PLEKHH1: variants seen among roughly 807,000 people sequenced by gnomAD.
PLEKHH1 encodes the protein pleckstrin homology domain-containing family H member 1.
PLEKHH1 carries 104 observed loss-of-function variants against 160.0 expected under a neutral mutation model. That is an observed-to-expected ratio of 0.65 (90% CI 0.55 to 0.76). The LOEUF is 0.76. Among genes scored for constraint, PLEKHH1 ranks in the 30% least tolerant of loss-of-function variants. PLEKHH1 has a pLI of 0.00. For synonymous variants in PLEKHH1, 619 were observed against 678.4 expected (o/e 0.91, Z 1.36); for missense variants, 1,427 against 1,724.1 (o/e 0.83, Z 3.05).
intron 2 of PLEKHH1, among the ~76,000 whole-genome samples, chr14:67,548,784 C>A (rs1257988108): frequency 6.6e-6 from 1 of 152,234 alleles, no homozygotes; most frequent in Admixed American, 6.5e-5. Flanking sequence ...TTTACCAAGT[C>A]CAGTTCCAGT....
chr14:67,561,884 AAAG>A (rs2034851194), intron 5 of PLEKHH1, 67 bp from the exon 6 acceptor site: 6 of 1,205,190 alleles, frequency 5.0e-6, no homozygotes, highest in East Asian at 2.4e-5. Flanking sequence ...AAAAAAAAAA[AAAG>A]AATTGAAAAA....
intron 8 of PLEKHH1, among the ~76,000 whole-genome samples, chr14:67,569,552 T>G (rs979985622): frequency 6.7e-6 from 1 of 148,472 alleles, no homozygotes; most frequent in Admixed American, 7.4e-5. Context: ...CTGATTTACA[T>G]GAACCCCACT....
chr14:67,569,316 G>A, intron 8 of PLEKHH1, 100 bp downstream of exon 8: 1 of 805,778 alleles, frequency 1.2e-6, no homozygotes, highest in Non-Finnish European at 2.1e-6. Context: ...GGCCAGGGTT[G>A]GCTGGCCTAC....
At chr14:67,546,417 T>G (rs1198092944) in intron 2 of PLEKHH1, among the ~76,000 whole-genome samples, 1 of 152,138 alleles carries the variant, frequency 6.6e-6, no homozygotes, top group Non-Finnish European at 1.5e-5. Flanking sequence ...GTTTTTGTTT[T>G]TGAGACAAAG....
At chr14:67,543,508 T>C (rs1226655533) in intron 2 of PLEKHH1, among the ~76,000 whole-genome samples, 1 of 152,228 alleles carries the variant, frequency 6.6e-6, no homozygotes, top group Non-Finnish European at 1.5e-5. Flanking sequence ...CAGAACCACG[T>C]AGAGTGCTTG....
intron 1 of PLEKHH1, among the ~76,000 whole-genome samples, chr14:67,538,271 T>C (rs867647171): frequency 2.4e-4 from 37 of 152,274 alleles, no homozygotes; most frequent in African/African-American, 8.2e-4. Context: ...AGAGGACAAT[T>C]GTAGATATTG....
intron 2 of PLEKHH1, among the ~76,000 whole-genome samples, chr14:67,544,080 T>C (rs1566724511): frequency 6.6e-6 from 1 of 152,168 alleles, no homozygotes; most frequent in Non-Finnish European, 1.5e-5. Context: ...AAGTCAGGAC[T>C]ATTATTTCTT....
Position 67,587,401 on chromosome 14 carries a change from TA to T in PLEKHH1, c.*168del, listed in dbSNP as rs1446596068. 1.3e-6 allele frequency: 1 copy of T among 751,156 alleles called. No homozygotes were observed. Among genetic ancestry groups the T allele is most frequent in the Non-Finnish European group, 2.2e-6 (1 of 450,586 alleles). The allele number at this position is 751,156 out of a possible 1,614,324, so 46.5% of individuals were successfully genotyped here. ...AAGCCTTTACTCTCTAGGTGCCTTA[TA>T]ATGTTTCAGGGCTCAACTTTTTAAA... On this transcript the variant is annotated 3_prime_UTR_variant, in exon 29 of 29. Coordinates refer to ENST00000329153, the MANE Select transcript of PLEKHH1 (RefSeq NM_020715.3).
chr14:67,562,016 C>A lies in PLEKHH1; in HGVS notation c.486C>A (p.Ser162=). The A allele has an allele frequency of 6.2e-7, 1 of 1,613,744 alleles. No individual in the cohort carries two copies. The highest frequency in any genetic ancestry group is 8.5e-7 in the Non-Finnish European group (1 of 1,179,682). Reference sequence around the variant, plus strand: ...AGCGCCTGGTGGAGCAGGTGGGATCCCTTCAAGATGCGCTAGAAGGTAGGC... The same window carrying A: ...AGCGCCTGGTGGAGCAGGTGGGATCACTTCAAGATGCGCTAGAAGGTAGGC... ...HNQRLVEQVG[S]LQDALEAIQI... The change falls in exon 6 of 29, where the codon TCC becomes TCA. Residue 162 remains serine (S), a synonymous_variant. Transcript: ENST00000329153.
In PLEKHH1 at chr14:67,541,940, C is replaced by A. The variant is rs1382442208; in HGVS notation, c.73C>A (p.Leu25Ile). ...QKRCLTLETQ[L>I]FRFRLQASKI... The stretch of plus-strand genomic sequence containing the variant: ...ACGCTGCCTGACCCTGGAAACTCAG[C>A]TTTTCCGGTTCCGCCTACAGGCCAG... The change falls in exon 2 of 29, where the codon CTT (leucine) becomes ATT (isoleucine). Residue 25 changes from leucine (L) to isoleucine (I), a missense_variant. Coordinates refer to ENST00000329153, the MANE Select transcript of PLEKHH1 (RefSeq NM_020715.3). 1.1e-5 allele frequency: 17 copies of A among 1,607,382 alleles called. No individual in the cohort carries two copies. Among genetic ancestry groups the A allele is most frequent in the Non-Finnish European group, 1.4e-5 (16 of 1,177,128 alleles).
intron 5 of PLEKHH1, among the ~76,000 whole-genome samples, chr14:67,560,439 A>C (rs1239203980): frequency 1.3e-5 from 2 of 152,240 alleles, no homozygotes; most frequent in African/African-American, 4.8e-5. Flanking sequence ...CATTAAGTAC[A>C]TTCACAGTGT....
At chr14:67,569,744 G>C (rs999725297) in intron 8 of PLEKHH1, 177 bp from the exon 9 acceptor site, 13 of 612,626 alleles carry the variant, frequency 2.1e-5, no homozygotes, top group Middle Eastern at 4.3e-4. Flanking sequence ...ACCACATGGA[G>C]ATCATGGTCC....
chr14:67,572,514 C>G (rs1447196543), intron 11 of PLEKHH1, among the ~76,000 whole-genome samples: 2 of 152,178 alleles, frequency 1.3e-5, no homozygotes, highest in African/African-American at 4.8e-5. Flanking sequence ...TGGCCAGTTA[C>G]TGAGAGCCTA....
rs772430580 is a variant in PLEKHH1, at chr14:67,573,434, C to T, written c.1839+48C>T. 2 of 1,117,646 alleles carry T rather than the reference C, an allele frequency of 1.8e-6. No individual in the cohort carries two copies. The highest frequency in any genetic ancestry group is 1.7e-5 in the Admixed American group (1 of 58,602). 69.2% of individuals were successfully genotyped at this position (1,117,646 alleles called of 1,614,324 possible). On this transcript the variant is annotated intron_variant, in intron 12 of 28. Transcript: ENST00000329153. The surrounding 1 kb of genome is among the most constrained non-coding windows in gnomAD (Gnocchi z 4.8). ...CTGCAGTCAAAAGGTCTCCACATCA[C>T]ACCCTGGACTATGTCAGATGGGACG...
At chr14:67,556,071 G>C (rs551305541) in intron 3 of PLEKHH1, among the ~76,000 whole-genome samples, 184 bp downstream of exon 3, 1 of 152,196 alleles carries the variant, frequency 6.6e-6, no homozygotes, top group African/African-American at 2.4e-5. Flanking sequence ...TGTAGCAAGT[G>C]GGCATAGTAG....
chr14:67,556,006 C>T (rs2034578112), intron 3 of PLEKHH1, 119 bp downstream of exon 3: 2 of 1,312,336 alleles, frequency 1.5e-6, no homozygotes, highest in Non-Finnish European at 2.1e-6. Flanking sequence ...TATACCTGAA[C>T]AAATGAGTGT....
In PLEKHH1 at chr14:67,573,532, C is replaced by T. The variant is rs966384878; in HGVS notation, c.1839+146C>T. On this transcript the variant is annotated intron_variant, in intron 12 of 28. Transcript: ENST00000329153. This position sits in a 1 kb window ranked among gnomAD's most constrained non-coding sequence, Gnocchi z 4.8. ...TGGGGAGAGGCAACCTCACTGGGCC[C>T]CTGAGGCTTTGAGCCACACTTGGGG... 1.1e-5 allele frequency: 7 copies of T among 650,922 alleles called. No homozygotes were observed. Among genetic ancestry groups the T allele is most frequent in the East Asian group, 2.7e-5 (1 of 36,790 alleles). 40.3% of individuals were successfully genotyped at this position (650,922 alleles called of 1,614,324 possible).
Position 67,587,393 on chromosome 14 carries a change from G to A in PLEKHH1, c.*158G>A. The A allele has an allele frequency of 2.5e-6, 2 of 799,608 alleles. No individual in the cohort carries two copies. The highest frequency in any genetic ancestry group is 4.1e-6 in the Non-Finnish European group (2 of 484,058). The allele number at this position is 799,608 out of a possible 1,614,324, so 49.5% of individuals were successfully genotyped here. On this transcript the variant is annotated 3_prime_UTR_variant, in exon 29 of 29. Coordinates refer to ENST00000329153, the MANE Select transcript of PLEKHH1 (RefSeq NM_020715.3). ...TCTCTGTGAAGCCTTTACTCTCTAG[G>A]TGCCTTATAATGTTTCAGGGCTCAA...
chr14:67,566,221 C>T (rs1229497986), intron 7 of PLEKHH1, among the ~76,000 whole-genome samples: 1 of 152,120 alleles, frequency 6.6e-6, no homozygotes, highest in Non-Finnish European at 1.5e-5. Flanking sequence ...TTCAAGGACA[C>T]CTGTAAGACT....
Sources: gnomAD v4.1 joint callset for allele counts (sites outside exome capture counted in the v4.1 genomes callset) on GRCh38, gnomAD v4.1.1 for gene constraint, Gnocchi (gnomAD v3.1) non-coding constraint, MANE v1.5 for transcripts, NCBI Gene and HGNC (gene_info 2026-07-23, HGNC 2026-07-21) for gene names.